STARD3NL: variants seen among roughly 807,000 people sequenced by gnomAD.
STARD3NL encodes STARD3 N-terminal-like protein.
In STARD3NL, 17 loss-of-function variants were observed where a neutral mutation model predicts 30.9. The ratio of observed to expected loss-of-function variants is 0.55; its 90% CI spans 0.38 to 0.82. STARD3NL has a LOEUF of 0.82. STARD3NL is among the 40% of genes least tolerant of loss of function. The pLI, the probability that STARD3NL is intolerant of heterozygous loss-of-function variation, is 0.00. For missense variants in STARD3NL, 234 were observed against 277.6 expected (o/e 0.84, Z 1.12); for synonymous variants, 112 against 100.5 (o/e 1.11, Z -0.69).
rs1379247507 is a variant in STARD3NL, at chr7:38,205,787, A to T, written c.-58-1660A>T. 2.0e-5 allele frequency among the ~76,000 whole-genome samples: 3 copies of T among 152,208 alleles called. No homozygotes were observed. In the East Asian group the frequency reaches 5.8e-4, roughly 29 times the overall value. ...ACCACTACTCAGGTAAAGAAATAGAACTTTACCAAGTCCCCTAAATATGCC... is the reference window on the plus strand; with the variant it reads ...ACCACTACTCAGGTAAAGAAATAGATCTTTACCAAGTCCCCTAAATATGCC... On this transcript the variant is annotated intron_variant, in intron 1 of 8. Coordinates refer to ENST00000009041, the MANE Select transcript of STARD3NL (RefSeq NM_032016.4).
intron 1 of STARD3NL, among the ~76,000 whole-genome samples, chr7:38,190,356 A>G (rs1175742784): frequency 6.6e-6 from 1 of 152,120 alleles, no homozygotes; most frequent in Non-Finnish European, 1.5e-5. Context: ...GGAAAGTGAA[A>G]CTTCAGATAA....
At chr7:38,190,952 A>G (rs1352697266) in intron 1 of STARD3NL, among the ~76,000 whole-genome samples, 1 of 152,202 alleles carries the variant, frequency 6.6e-6, no homozygotes, top group Non-Finnish European at 1.5e-5. Context: ...GCAACGCATC[A>G]GAAGGCAGGT....
At chr7:38,188,701 A>G (rs1245776402) in intron 1 of STARD3NL, among the ~76,000 whole-genome samples, 2 of 152,228 alleles carry the variant, frequency 1.3e-5, no homozygotes, top group South Asian at 2.1e-4. Context: ...CTCAATGTAT[A>G]TTTTAGGTTT....
At chr7:38,202,141 A>T (rs1785211429) in intron 1 of STARD3NL, 1 of 152,236 alleles carries the variant, frequency 6.6e-6, no homozygotes, top group Admixed American at 6.5e-5. Flanking sequence ...ACTGGGGAAT[A>T]TGTTGTTGCT....
intron 1 of STARD3NL, among the ~76,000 whole-genome samples, chr7:38,185,486 G>A (rs1326525917): frequency 6.6e-6 from 1 of 152,132 alleles, no homozygotes; most frequent in Non-Finnish European, 1.5e-5. Context: ...TTGTGACATG[G>A]GGAGTTGGTC....
intron 7 of STARD3NL, among the ~76,000 whole-genome samples, chr7:38,225,367 C>T (rs1322536292): frequency 6.6e-6 from 1 of 152,024 alleles, no homozygotes; most frequent in Non-Finnish European, 1.5e-5. Context: ...TGAATTTGTT[C>T]TCTTATGGAT....
At chr7:38,222,835 T>C (rs1171339027) in intron 7 of STARD3NL, among the ~76,000 whole-genome samples, 1 of 152,186 alleles carries the variant, frequency 6.6e-6, no homozygotes, top group Non-Finnish European at 1.5e-5. Context: ...TACCTTATTA[T>C]ATTTGCATTG....
Position 38,217,215 on chromosome 7 carries a change from G to C in STARD3NL, c.463G>C (p.Val155Leu). 6.2e-7 allele frequency: 1 copy of C among 1,614,082 alleles called. No homozygotes were observed. Among genetic ancestry groups the C allele is most frequent in the Non-Finnish European group, 8.5e-7 (1 of 1,179,950 alleles). Residue 155 changes from valine to leucine, a missense_variant, in exon 6 of 9, where the codon GTG becomes CTG. By Grantham distance (32) the Val-to-Leu change is conservative (BLOSUM62 1). Transcript: ENST00000009041. The part of the protein sequence containing the change: ...KLFSQGAFGY[V>L]LPIISFILAW... ...TTTCTCTCAAGGGGCTTTTGGCTAT[G>C]TGCTGCCCATCATTTCATTCATCCT...
In STARD3NL at chr7:38,207,595, A is replaced by G. The variant is rs145400559; in HGVS notation, c.91A>G (p.Thr31Ala). ...GCGCAATATCCATTCCATCAACCCC[A>G]CACAACTCATGGCCAGGATTGAGTC... is the stretch of plus-strand genomic sequence containing the variant. ...SLRNIHSINP[T>A]QLMARIESYE... is the part of the protein sequence containing the mutation. Residue 31 changes from threonine to alanine, a missense_variant, in exon 2 of 9, where the codon ACA becomes GCA. Transcript: ENST00000009041. The G allele has an allele frequency of 3.8e-4, 610 of 1,614,046 alleles. 13 individuals carry two copies. The South Asian group carries it at 4.6e-3, about 12-fold the overall frequency.
chr7:38,196,040 G>A (rs1784886437), intron 1 of STARD3NL, among the ~76,000 whole-genome samples: 1 of 152,200 alleles, frequency 6.6e-6, no homozygotes, highest in South Asian at 2.1e-4. Context: ...ATGTCTCAGT[G>A]TCTGCAGTGA....
At chr7:38,188,609 G>A (rs1784558221) in intron 1 of STARD3NL, among the ~76,000 whole-genome samples, 1 of 152,118 alleles carries the variant, frequency 6.6e-6, no homozygotes, top group Admixed American at 6.6e-5. Flanking sequence ...AAGTAGATGT[G>A]GTATATTCTT....
chr7:38,209,919 C>T (rs187200057), intron 2 of STARD3NL, among the ~76,000 whole-genome samples: 21 of 152,312 alleles, frequency 1.4e-4, no homozygotes, highest in Admixed American at 7.2e-4. Context: ...TTTTTATCCT[C>T]ACTTTTCCAC....
chr7:38,204,508 T>C (rs1479673356), intron 1 of STARD3NL, among the ~76,000 whole-genome samples: 1 of 151,296 alleles, frequency 6.6e-6, no homozygotes, highest in Non-Finnish European at 1.5e-5. Flanking sequence ...AAATTTATAG[T>C]ACTAAATGCC....
chr7:38,197,148 C>CTT (rs1232454976), intron 1 of STARD3NL, among the ~76,000 whole-genome samples: 1 of 141,892 alleles, frequency 7.0e-6, no homozygotes, highest in Non-Finnish European at 1.5e-5. Context: ...TTCTTTCTTT[C>CTT]TTTCTTTCTT....
At chr7:38,211,175 T>G (rs868070654) in intron 2 of STARD3NL, among the ~76,000 whole-genome samples, 18 of 152,364 alleles carry the variant, frequency 1.2e-4, no homozygotes, top group African/African-American at 3.6e-4. Context: ...CTTATTACCC[T>G]GCTAATTCTG....
rs1786936981 is a variant in STARD3NL at position 38,228,838 on chromosome 7, C to A, written c.689C>A (p.Pro230Gln). Residue 230 changes from proline to glutamine, a missense_variant, in exon 8 of 9, where the codon CCA becomes CAA. Transcript: ENST00000009041. ...GAAGAAAAACAGGACAGTGAGAAAC[C>A]ACTTTTAGAACTATGAGTACTACTT... is the stretch of plus-strand genomic sequence containing the variant. ...EAEEKQDSEK[P>Q]LLEL 1.2e-6 allele frequency: 2 copies of A among 1,612,480 alleles called. No individual in the cohort carries two copies. Among genetic ancestry groups the A allele is most frequent in the Admixed American group, 1.7e-5 (1 of 59,954 alleles).
intron 2 of STARD3NL, among the ~76,000 whole-genome samples, chr7:38,210,207 G>A (rs918616357): frequency 6.6e-6 from 1 of 152,118 alleles, no homozygotes; most frequent in African/African-American, 2.4e-5. Flanking sequence ...TAATTCAGGT[G>A]TTGCAAGCTC....
chr7:38,229,823 C>T (rs1005937195), intron 8 of STARD3NL, 100 bp from the exon 9 acceptor site: 2 of 152,244 alleles, frequency 1.3e-5, no homozygotes, highest in Non-Finnish European at 2.9e-5. Flanking sequence ...GTCACAGCCC[C>T]TCTTCAGCAC....
intron 1 of STARD3NL, among the ~76,000 whole-genome samples, chr7:38,189,036 A>G (rs1784575794): frequency 6.6e-6 from 1 of 152,186 alleles, no homozygotes. Context: ...GCACACAATT[A>G]CTTTTATCTG....
Sources: gnomAD v4.1 joint callset for allele counts (sites outside exome capture counted in the v4.1 genomes callset) on GRCh38, gnomAD v4.1.1 for gene constraint, MANE v1.5 for transcripts, NCBI Gene and HGNC (gene_info 2026-07-23, HGNC 2026-07-21) for gene names.